Variants in CSMD1 observed in about 807,000 individuals in gnomAD.
CSMD1 encodes the protein CUB and Sushi multiple domains 1.
Under a neutral mutation model 417.5 loss-of-function variants are expected in CSMD1, and 213 were observed. That is an observed-to-expected ratio of 0.51 (90% CI 0.46 to 0.57). The LOEUF is 0.57. Ranked by LOEUF, CSMD1 falls within the 20% of genes least tolerant of loss-of-function variation. CSMD1 has a pLI of 0.00. For synonymous variants in CSMD1, 2,862 were observed against 1,736.8 expected (o/e 1.65, Z -16.11); for missense variants, 6,923 against 4,529.7 (o/e 1.53, Z -15.17).
intron 1 of CSMD1, among the ~76,000 whole-genome samples, chr8:4,691,057 T>C (rs1018473603): frequency 1.3e-5 from 2 of 152,182 alleles, no homozygotes; most frequent in Admixed American, 1.3e-4. Context: ...CTTTGAAACA[T>C]GCACCTTTAA....
intron 14 of CSMD1, among the ~76,000 whole-genome samples, chr8:3,406,563 T>A (rs908653062): frequency 9.2e-5 from 14 of 152,112 alleles, no homozygotes; most frequent in African/African-American, 3.4e-4. Flanking sequence ...GAATCCTGAC[T>A]TTTTTTCTTA....
At chr8:4,937,613 T>C (rs577040302) in intron 1 of CSMD1, among the ~76,000 whole-genome samples, 9 of 152,322 alleles carry the variant, frequency 5.9e-5, no homozygotes, top group Admixed American at 2.6e-4. Context: ...ACCTTGGCAG[T>C]GTCAGAGTAT....
chr8:4,200,880 T>C lies in CSMD1; in HGVS notation c.416-168781A>G, dbSNP rs75838831. 2.8e-4 allele frequency among the ~76,000 whole-genome samples: 43 copies of C among 151,948 alleles called. 2 individuals carry two copies. In the East Asian group the frequency reaches 7.2e-3, roughly 25 times the overall value. Reference sequence around the variant, plus strand: ...CTCAAAATAATGATGATAATAATAATAACACATCTTTAAGAAACGCTAAGC... The same window carrying C: ...CTCAAAATAATGATGATAATAATAACAACACATCTTTAAGAAACGCTAAGC... On this transcript the variant is annotated intron_variant, in intron 3 of 69. Coordinates refer to ENST00000635120, the MANE Select transcript of CSMD1 (RefSeq NM_033225.6).
At chr8:3,347,889 A>G (rs1808116785) in intron 22 of CSMD1, 103 bp downstream of exon 22, 2 of 661,718 alleles carry the variant, frequency 3.0e-6, no homozygotes, top group Admixed American at 3.7e-5. Flanking sequence ...ATATAAAAAT[A>G]TATGTTAATA....
intron 11 of CSMD1, among the ~76,000 whole-genome samples, chr8:3,491,496 T>C (rs1818377808): frequency 6.6e-6 from 1 of 152,202 alleles, no homozygotes; most frequent in Admixed American, 6.5e-5. Flanking sequence ...TAATAAGTTG[T>C]GGTCCAGCAA....
chr8:3,247,412 T>A (rs142086851), intron 26 of CSMD1, among the ~76,000 whole-genome samples: 36 of 152,252 alleles, frequency 2.4e-4, no homozygotes, highest in African/African-American at 7.9e-4. Flanking sequence ...TGCTGACTTC[T>A]CTTATTTCCA....
chr8:3,404,088 G>C (rs981421225), intron 15 of CSMD1, among the ~76,000 whole-genome samples: 1 of 152,098 alleles, frequency 6.6e-6, no homozygotes, highest in South Asian at 2.1e-4. Flanking sequence ...CTATAAACAG[G>C]ACCTGGTTAG....
At chr8:4,355,328 C>G (rs1420006499) in intron 3 of CSMD1, among the ~76,000 whole-genome samples, 2 of 151,618 alleles carry the variant, frequency 1.3e-5, no homozygotes, top group Admixed American at 1.3e-4. Flanking sequence ...CACACACGCA[C>G]ACACACACAC....
At chr8:3,794,574 C>A (rs1037029877) in intron 5 of CSMD1, among the ~76,000 whole-genome samples, 1 of 151,428 alleles carries the variant, frequency 6.6e-6, no homozygotes. Context: ...TGCTAGTAAC[C>A]CATTGGTTTA....
chr8:4,874,087 C>T lies in CSMD1; in HGVS notation c.85+120245G>A, dbSNP rs986280418. 5.3e-5 allele frequency among the ~76,000 whole-genome samples: 8 copies of T among 152,014 alleles called. No individual in the cohort carries two copies. The South Asian group carries it at 1.4e-3, about 28-fold the overall frequency. On this transcript the variant is annotated intron_variant, in intron 1 of 69. Transcript: ENST00000635120. Reference sequence around the variant, plus strand: ...TTAAAACTTTAACATAGGCAAGCACCGCATCAGGCCTTGGTCTGTAGTATT... The same window carrying T: ...TTAAAACTTTAACATAGGCAAGCACTGCATCAGGCCTTGGTCTGTAGTATT...
chr8:3,931,812 T>C (rs1323434768), intron 5 of CSMD1, among the ~76,000 whole-genome samples: 1 of 148,088 alleles, frequency 6.8e-6, no homozygotes, highest in African/African-American at 2.5e-5. Context: ...GCAATGGGAC[T>C]TCCTATTCAA....
At position 3,155,522 on chromosome 8, in the gene CSMD1, C is replaced by G. The variant is rs530926827; in HGVS notation, c.5914+2375G>C. ...AGCTGAGACTACAGATGGTCGCCAC[C>G]ACGCCCAGCTAATTTTTTGTATTTT... On this transcript the variant is annotated intron_variant, in intron 39 of 69. Coordinates refer to ENST00000635120, the MANE Select transcript of CSMD1 (RefSeq NM_033225.6). Among the ~76,000 whole-genome samples, 9 of 151,578 alleles carry G rather than the reference C, an allele frequency of 5.9e-5. No individual in the cohort carries two copies. The East Asian group carries it at 1.4e-3, about 23-fold the overall frequency.
chr8:4,556,898 A>C (rs1798120204), intron 2 of CSMD1, among the ~76,000 whole-genome samples: 1 of 152,202 alleles, frequency 6.6e-6, no homozygotes, highest in Non-Finnish European at 1.5e-5. Context: ...CAAAATCAAA[A>C]TTTATGAAAT....
intron 1 of CSMD1, among the ~76,000 whole-genome samples, chr8:4,786,547 T>C (rs1797411479): frequency 6.6e-6 from 1 of 152,222 alleles, no homozygotes; most frequent in South Asian, 2.1e-4. Flanking sequence ...TTAGACAAGA[T>C]GCTTATATTT....
chr8:4,795,231 C>G (rs1283899287), intron 1 of CSMD1, among the ~76,000 whole-genome samples: 1 of 120,906 alleles, frequency 8.3e-6, no homozygotes, highest in Admixed American at 9.1e-5. Flanking sequence ...GAACACATTT[C>G]TAGGTCTGCT....
At chr8:3,567,059 A>G (rs963674250) in intron 10 of CSMD1, among the ~76,000 whole-genome samples, 2 of 152,258 alleles carry the variant, frequency 1.3e-5, no homozygotes, top group Non-Finnish European at 1.5e-5. Context: ...GATAAAGAAA[A>G]TTGGTACATG....
At chr8:3,869,700 G>T (rs1016127187) in intron 5 of CSMD1, among the ~76,000 whole-genome samples, 2 of 152,122 alleles carry the variant, frequency 1.3e-5, no homozygotes, top group Admixed American at 1.3e-4. Context: ...GCAGCCAGGA[G>T]CATGTGGGGA....
chr8:4,986,898 C>G (rs1208501059), intron 1 of CSMD1, among the ~76,000 whole-genome samples: 1 of 152,064 alleles, frequency 6.6e-6, no homozygotes, highest in East Asian at 1.9e-4. Flanking sequence ...AGATTTTGAT[C>G]ACTTTTATTG....
intron 1 of CSMD1, among the ~76,000 whole-genome samples, chr8:4,676,678 G>C (rs992670932): frequency 6.6e-6 from 1 of 151,986 alleles, no homozygotes; most frequent in African/African-American, 2.4e-5. Flanking sequence ...TTTTATTATA[G>C]CCTATGTAGC....
Sources: gnomAD v4.1 joint callset for allele counts (sites outside exome capture counted in the v4.1 genomes callset) on GRCh38, gnomAD v4.1.1 for gene constraint, MANE v1.5 for transcripts, NCBI Gene and HGNC (gene_info 2026-07-23, HGNC 2026-07-21) for gene names.